CTNND2: variants seen among roughly 807,000 people sequenced by gnomAD.
The protein encoded by CTNND2 is catenin delta-2.
Under a neutral mutation model 144.4 loss-of-function variants are expected in CTNND2, and 22 were observed. That is an observed-to-expected ratio of 0.15 (90% CI 0.11 to 0.22). The LOEUF is 0.22. Among genes scored for constraint, CTNND2 ranks in the 10% least tolerant of loss-of-function variants. The probability of loss-of-function intolerance (pLI) is 1.00; values close to 1 mark genes in which losing one functional copy is unlikely to be tolerated. For missense variants in CTNND2, 1,353 were observed against 1,618.8 expected, an observed-to-expected ratio of 0.84 and a Z score of 2.82; for synonymous variants, 751 against 695.6, an observed-to-expected ratio of 1.08 and a Z score of -1.25.
intron 11 of CTNND2, among the ~76,000 whole-genome samples, chr5:11,192,154 T>A (rs1580543803): frequency 6.6e-6 from 1 of 152,290 alleles, no homozygotes; most frequent in South Asian, 2.1e-4. Flanking sequence ...GTGATTCCAG[T>A]TTCCTAAAGA....
intron 2 of CTNND2, among the ~76,000 whole-genome samples, chr5:11,709,149 G>C (rs1171787776): frequency 1.3e-5 from 2 of 152,158 alleles, no homozygotes; most frequent in Admixed American, 1.3e-4. Flanking sequence ...TTATGTGTCA[G>C]AGCTATGCCT....
intron 2 of CTNND2, among the ~76,000 whole-genome samples, chr5:11,673,447 T>C (rs1687249645): frequency 6.6e-6 from 1 of 152,210 alleles, no homozygotes; most frequent in African/African-American, 2.4e-5. Context: ...GTTTAGAAAA[T>C]CTGCTTTAAT....
chr5:11,760,839 C>T (rs1388213944), intron 1 of CTNND2, among the ~76,000 whole-genome samples: 1 of 152,000 alleles, frequency 6.6e-6, no homozygotes, highest in East Asian at 1.9e-4. Context: ...CTCCTCTTAA[C>T]TCAATCTCTT....
chr5:11,609,662 C>T (rs11738800), intron 2 of CTNND2, among the ~76,000 whole-genome samples: 51,430 of 152,032 alleles, frequency 0.34, 9,773 homozygotes, highest in Middle Eastern at 0.59. Context: ...TAAGGCCCAA[C>T]ACTGACAAGT....
intron 10 of CTNND2, among the ~76,000 whole-genome samples, chr5:11,228,940 G>A (rs1303880128): frequency 3.3e-5 from 5 of 152,128 alleles, no homozygotes; most frequent in East Asian, 1.9e-4. Context: ...AAGGTAATTG[G>A]AAAGATTGTT....
chr5:11,360,851 T>C (rs564994241), intron 8 of CTNND2, among the ~76,000 whole-genome samples: 2 of 152,288 alleles, frequency 1.3e-5, no homozygotes, highest in East Asian at 3.9e-4. Context: ...CCAGTACATC[T>C]AGCACACAGA....
intron 6 of CTNND2, among the ~76,000 whole-genome samples, chr5:11,395,829 T>C (rs963704497): frequency 2.6e-5 from 4 of 152,282 alleles, no homozygotes; most frequent in Non-Finnish European, 4.4e-5. Flanking sequence ...GCTTCAATAA[T>C]GTGAATGTCA....
intron 9 of CTNND2, among the ~76,000 whole-genome samples, chr5:11,267,387 T>A (rs1025465431): frequency 1.3e-5 from 2 of 152,186 alleles, no homozygotes; most frequent in African/African-American, 4.8e-5. Context: ...TGAAAAACAT[T>A]TCTACAGTTT....
At chr5:11,241,289 C>A (rs1019059118) in intron 9 of CTNND2, among the ~76,000 whole-genome samples, 5 of 152,170 alleles carry the variant, frequency 3.3e-5, no homozygotes, top group African/African-American at 1.2e-4. Flanking sequence ...TGCACTTAGA[C>A]AACAATCTGT....
intron 2 of CTNND2, among the ~76,000 whole-genome samples, chr5:11,569,721 T>A (rs1777410122): frequency 6.6e-6 from 1 of 152,154 alleles, no homozygotes; most frequent in African/African-American, 2.4e-5. Context: ...AATTGTTAAG[T>A]CTTAACAATA....
At chr5:11,847,549 G>A (rs1794806938) in intron 1 of CTNND2, among the ~76,000 whole-genome samples, 2 of 151,988 alleles carry the variant, frequency 1.3e-5, no homozygotes, top group Non-Finnish European at 2.9e-5. Flanking sequence ...GGAAGAATAA[G>A]TGTTGTGTTC....
chr5:11,094,631 C>T (rs1751146328), intron 15 of CTNND2, among the ~76,000 whole-genome samples: 2 of 152,064 alleles, frequency 1.3e-5, no homozygotes, highest in Non-Finnish European at 2.9e-5. Flanking sequence ...AGGCACACGC[C>T]ACCATGCCCA....
chr5:11,336,365 C>A (rs371572573), intron 9 of CTNND2, among the ~76,000 whole-genome samples: 1 of 152,130 alleles, frequency 6.6e-6, no homozygotes, highest in Non-Finnish European at 1.5e-5. Context: ...TATGTGGATG[C>A]CTATTAAATA....
intron 11 of CTNND2, among the ~76,000 whole-genome samples, chr5:11,180,268 G>A (rs991595819): frequency 1.3e-5 from 2 of 151,988 alleles, no homozygotes. Context: ...TTGGCCTTCC[G>A]CTACGATTGT....
chr5:11,629,658 G>A (rs1408182532), intron 2 of CTNND2, among the ~76,000 whole-genome samples: 2 of 152,158 alleles, frequency 1.3e-5, no homozygotes, highest in East Asian at 3.9e-4. Flanking sequence ...CTGAACACAA[G>A]TTCATTTCTT....
At chr5:11,081,796 G>A (rs554855756) in intron 16 of CTNND2, among the ~76,000 whole-genome samples, 2 of 152,232 alleles carry the variant, frequency 1.3e-5, no homozygotes, top group African/African-American at 4.8e-5. Context: ...TCCATAGACA[G>A]AGAGCAGATT....
At chr5:11,037,850 T>C (rs751076482) in intron 16 of CTNND2, among the ~76,000 whole-genome samples, 1 of 152,190 alleles carries the variant, frequency 6.6e-6, no homozygotes, top group African/African-American at 2.4e-5. Flanking sequence ...ATAACTATAA[T>C]AGTCCTGCAA....
chr5:11,245,609 G>A (rs1032912351), intron 9 of CTNND2, among the ~76,000 whole-genome samples: 1 of 152,194 alleles, frequency 6.6e-6, no homozygotes, highest in African/African-American at 2.4e-5. Flanking sequence ...AAGGGAGCCT[G>A]GCAGTACAGA....
intron 2 of CTNND2, among the ~76,000 whole-genome samples, chr5:11,576,822 G>A (rs368539320): frequency 1.3e-5 from 2 of 152,070 alleles, no homozygotes; most frequent in African/African-American, 4.8e-5. Flanking sequence ...GTAGCTCTTT[G>A]AGAGTTGAAT....
Sources: gnomAD v4.1 joint callset for allele counts (sites outside exome capture counted in the v4.1 genomes callset) on GRCh38, gnomAD v4.1.1 for gene constraint, MANE v1.5 for transcripts, NCBI Gene and HGNC (gene_info 2026-07-23, HGNC 2026-07-21) for gene names.